Variants in PTN observed in about 807,000 individuals in gnomAD.
The protein encoded by PTN is pleiotrophin, also known as heparin affin regulatory protein.
In PTN, 18 loss-of-function variants were observed where a neutral mutation model predicts 24.1. That is an observed-to-expected ratio of 0.75 (90% CI 0.52 to 1.11). The LOEUF (loss-of-function observed/expected upper bound fraction) is 1.11, where lower values mean the gene tolerates loss of function less well. PTN is among the 50% of genes least tolerant of loss of function. The probability of loss-of-function intolerance (pLI) is 0.00; values close to 1 mark genes in which losing one functional copy is unlikely to be tolerated. For synonymous variants in PTN, 78 were observed against 68.6 expected (o/e 1.14, Z -0.67); for missense variants, 163 against 198.8 (o/e 0.82, Z 1.08).
intron 1 of PTN, among the ~76,000 whole-genome samples, chr7:137,310,367 T>A (rs1243479339): frequency 1.3e-5 from 2 of 151,036 alleles, no homozygotes; most frequent in Non-Finnish European, 2.9e-5. Flanking sequence ...CAGTGAGCAG[T>A]GTCTTCAAAT....
chr7:137,320,279 T>C (rs1810141703), intron 1 of PTN, among the ~76,000 whole-genome samples: 1 of 152,236 alleles, frequency 6.6e-6, no homozygotes, highest in South Asian at 2.1e-4. Flanking sequence ...ACTTCTTACC[T>C]TCCTGACGGA....
chr7:137,254,771 G>A (rs1563201351), intron 2 of PTN, 88 bp downstream of exon 2: 1 of 795,548 alleles, frequency 1.3e-6, no homozygotes. Flanking sequence ...GAGAGAGGCA[G>A]AGTAGAAGAG....
At chr7:137,309,460 T>C (rs1809945353) in intron 1 of PTN, among the ~76,000 whole-genome samples, 1 of 152,108 alleles carries the variant, frequency 6.6e-6, no homozygotes, top group South Asian at 2.1e-4. Context: ...CAATGAAGTT[T>C]GTCACATCAA....
At chr7:137,337,240 G>A (rs1392335128) in intron 1 of PTN, among the ~76,000 whole-genome samples, 1 of 152,104 alleles carries the variant, frequency 6.6e-6, no homozygotes, top group Non-Finnish European at 1.5e-5. Context: ...TTGGATTTGG[G>A]GTTTGACATG....
intron 1 of PTN, among the ~76,000 whole-genome samples, chr7:137,330,518 C>T (rs1321739162): frequency 1.3e-5 from 2 of 152,150 alleles, no homozygotes; most frequent in African/African-American, 4.8e-5. Context: ...CTGGTGTGCT[C>T]CAGCCCACAA....
At chr7:137,299,020 T>C (rs956755414) in intron 1 of PTN, among the ~76,000 whole-genome samples, 3 of 151,934 alleles carry the variant, frequency 2.0e-5, no homozygotes, top group African/African-American at 7.2e-5. Context: ...AAAGAAAATA[T>C]TCGTTACCCC....
At chr7:137,334,891 T>C (rs2128883316) in intron 1 of PTN, among the ~76,000 whole-genome samples, 1 of 151,634 alleles carries the variant, frequency 6.6e-6, no homozygotes, top group East Asian at 2.0e-4. Flanking sequence ...ATGTCCTTTG[T>C]AGGGACATGG....
intron 1 of PTN, among the ~76,000 whole-genome samples, chr7:137,306,280 C>A (rs1809886613): frequency 6.6e-6 from 1 of 152,028 alleles, no homozygotes; most frequent in Non-Finnish European, 1.5e-5. Context: ...CTAAGTCTCT[C>A]CGGTTGAAAG....
chr7:137,306,584 C>T (rs956073879), intron 1 of PTN, among the ~76,000 whole-genome samples: 39 of 152,132 alleles, frequency 2.6e-4, no homozygotes, highest in South Asian at 4.1e-4. Flanking sequence ...AATGCCAAAG[C>T]CAATACAGCT....
At chr7:137,310,871 C>T (rs894047551) in intron 1 of PTN, among the ~76,000 whole-genome samples, 1 of 152,088 alleles carries the variant, frequency 6.6e-6, no homozygotes, top group Admixed American at 6.6e-5. Context: ...TTCCTTAAAC[C>T]TCATGAACCA....
chr7:137,280,132 A>G (rs1398562958), intron 1 of PTN, among the ~76,000 whole-genome samples: 17 of 152,222 alleles, frequency 1.1e-4, no homozygotes, highest in Admixed American at 1.1e-3. Context: ...TAGTCTAAGC[A>G]TCTGACATAT....
intron 1 of PTN, among the ~76,000 whole-genome samples, chr7:137,256,412 C>A (rs953335393): frequency 6.6e-6 from 1 of 152,064 alleles, no homozygotes; most frequent in Non-Finnish European, 1.5e-5. Flanking sequence ...TGAGAACATG[C>A]GGTGTTTGGT....
chr7:137,251,138 A>G, intron 4 of PTN, 92 bp downstream of exon 4: 1 of 1,404,496 alleles, frequency 7.1e-7, no homozygotes, highest in South Asian at 1.2e-5. Flanking sequence ...AAGGTAATTC[A>G]CCTAATATTT....
intron 4 of PTN, among the ~76,000 whole-genome samples, chr7:137,239,743 T>A (rs570807665): frequency 6.6e-6 from 1 of 152,234 alleles, no homozygotes; most frequent in South Asian, 2.1e-4. Context: ...TCATTTTTTA[T>A]GGCTGCATAG....
intron 1 of PTN, among the ~76,000 whole-genome samples, chr7:137,343,144 C>T (rs1044519048): frequency 5.3e-5 from 8 of 152,228 alleles, no homozygotes; most frequent in African/African-American, 1.9e-4. Flanking sequence ...CCCACCCTGT[C>T]TTGCTCTCCA....
chr7:137,325,178 G>T (rs1247655673), intron 1 of PTN, among the ~76,000 whole-genome samples: 1 of 152,072 alleles, frequency 6.6e-6, no homozygotes, highest in Non-Finnish European at 1.5e-5. Flanking sequence ...GTGTTAAATG[G>T]CTTTCTTAGA....
At chr7:137,284,643 T>A (rs1246641932) in intron 1 of PTN, among the ~76,000 whole-genome samples, 1 of 152,212 alleles carries the variant, frequency 6.6e-6, no homozygotes, top group African/African-American at 2.4e-5. Flanking sequence ...AATATACCAC[T>A]AAGATAATGG....
intron 1 of PTN, among the ~76,000 whole-genome samples, chr7:137,302,725 C>T (rs1462497891): frequency 1.3e-5 from 2 of 151,916 alleles, no homozygotes; most frequent in African/African-American, 4.8e-5. Flanking sequence ...TTACCTGCTG[C>T]TTTTATAATT....
chr7:137,288,221 C>T (rs928175716), intron 1 of PTN, among the ~76,000 whole-genome samples: 22 of 152,014 alleles, frequency 1.4e-4, no homozygotes, highest in African/African-American at 5.3e-4. Flanking sequence ...AAGCTGTTGC[C>T]CCAAATAATT....
Sources: allele counts gnomAD v4.1 joint callset (sites outside exome capture counted in the v4.1 genomes callset), GRCh38; gene constraint gnomAD v4.1.1; transcripts MANE v1.5; gene names NCBI Gene and HGNC (gene_info 2026-07-23, HGNC 2026-07-21).